TCF4: variants seen among roughly 807,000 people sequenced by gnomAD.
The protein encoded by TCF4 is transcription factor 4.
TCF4 carries 3 observed loss-of-function variants against 82.1 expected under a neutral mutation model. The observed-to-expected ratio is 0.04, with a 90% confidence interval of 0.02 to 0.09. The LOEUF is 0.09. Among genes scored for constraint, TCF4 ranks in the 10% least tolerant of loss-of-function variants. The probability of loss-of-function intolerance (pLI) is 1.00; values close to 1 mark genes in which losing one functional copy is unlikely to be tolerated. For missense variants in TCF4, 518 were observed against 852.7 expected (o/e 0.61, Z 4.89); for synonymous variants, 276 against 309.6 (o/e 0.89, Z 1.14).
chr18:55,367,775 A>G (rs1276888402), intron 6 of TCF4, among the ~76,000 whole-genome samples: 1 of 152,238 alleles, frequency 6.6e-6, no homozygotes, highest in East Asian at 1.9e-4. Context: ...GAAAGAATGT[A>G]AAATACCCCA....
At chr18:55,302,431 G>C (rs182590691) in intron 8 of TCF4, 2 of 1,536,198 alleles carry the variant, frequency 1.3e-6, no homozygotes, top group Non-Finnish European at 1.7e-6. Context: ...CTTTCCCTTC[G>C]TGGTCCAGGC....
At position 55,621,840 on chromosome 18, in the gene TCF4, T is replaced by C. The variant is rs1311868059; in HGVS notation, c.286+9458A>G. Among the ~76,000 whole-genome samples, 9 of 58,458 alleles carry C rather than the reference T, an allele frequency of 1.5e-4. 1 individual carries two copies. The highest frequency in any genetic ancestry group is 1.3e-3 in the East Asian group (3 of 2,264). The allele number at this position is 58,458 out of a possible 152,430, so 38.4% of individuals were successfully genotyped here. ...TATATTATATAATATATATACACTA[T>C]ATACAATGTATGTATTATATTATAT... On this transcript the variant is annotated intron_variant, in intron 2 of 20. Transcript: ENST00000398339.
At chr18:55,291,319 A>T (rs1210432845) in intron 8 of TCF4, among the ~76,000 whole-genome samples, 1 of 152,196 alleles carries the variant, frequency 6.6e-6, no homozygotes, top group Admixed American at 6.5e-5. Flanking sequence ...TGCTAAGTAG[A>T]GTTATAAATG....
At chr18:55,393,989 G>A (rs1184795848) in intron 6 of TCF4, among the ~76,000 whole-genome samples, 1 of 152,134 alleles carries the variant, frequency 6.6e-6, no homozygotes, top group Non-Finnish European at 1.5e-5. Flanking sequence ...TATTAGAGGT[G>A]GGCTCGAGGG....
Position 55,255,148 on chromosome 18 carries a change from C to T in TCF4, c.1147-448G>A, listed in dbSNP as rs183066818. On this transcript the variant is annotated intron_variant, in intron 14 of 19. Transcript: ENST00000354452. ...CTGAAGGTATATTTCTTTGGTCTTC[C>T]CTGTGGTATATGACCCAGTGCTAAG... Among the ~76,000 whole-genome samples the T allele has an allele frequency of 6.6e-5, 10 of 152,002 alleles. No individual in the cohort carries two copies. In the East Asian group the frequency reaches 1.9e-3, roughly 29 times the overall value.
At chr18:55,523,792 A>C (rs959829912) in intron 3 of TCF4, among the ~76,000 whole-genome samples, 4 of 152,110 alleles carry the variant, frequency 2.6e-5, no homozygotes, top group Non-Finnish European at 5.9e-5. Context: ...TGCAATACAT[A>C]GTATCTCCTT....
At chr18:55,269,606 TTGC>T (rs1237048293) in intron 11 of TCF4, 2 of 583,380 alleles carry the variant, frequency 3.4e-6, no homozygotes, top group Admixed American at 2.8e-5. Flanking sequence ...ATCTAATGAC[TTGC>T]AACGTAGAAC....
intron 6 of TCF4, among the ~76,000 whole-genome samples, chr18:55,393,834 G>T (rs1483552924): frequency 1.3e-5 from 2 of 152,198 alleles, no homozygotes; most frequent in African/African-American, 2.4e-5. Context: ...GAACTCACTT[G>T]GGTCTCAAGA....
chr18:55,455,179 C>CAAAA (rs35889370), intron 5 of TCF4, among the ~76,000 whole-genome samples: 98 of 67,440 alleles, frequency 1.5e-3, no homozygotes, highest in African/African-American at 3.6e-3. Context: ...GACTCTGTCT[C>CAAAA]AAAAAAAAAA....
At chr18:55,462,302 CTAATTA>C (rs1325531362) in intron 4 of TCF4, among the ~76,000 whole-genome samples, 1 of 152,106 alleles carries the variant, frequency 6.6e-6, no homozygotes, top group Non-Finnish European at 1.5e-5. Context: ...TTGCATAATG[CTAATTA>C]TCACTTATTA....
chr18:55,604,236 A>T (rs546841456), intron 2 of TCF4, among the ~76,000 whole-genome samples: 48 of 151,698 alleles, frequency 3.2e-4, no homozygotes, highest in South Asian at 1.7e-3. Context: ...GTTTTTTTTT[A>T]AAAAAAGCCG....
chr18:55,614,819 A>G (rs1322844251), intron 2 of TCF4, among the ~76,000 whole-genome samples: 2 of 152,158 alleles, frequency 1.3e-5, no homozygotes, highest in Non-Finnish European at 2.9e-5. Context: ...GGTATCCAAT[A>G]AATCTTTGCC....
At chr18:55,334,395 GA>G (rs2078212161) in intron 8 of TCF4, among the ~76,000 whole-genome samples, 1 of 152,036 alleles carries the variant, frequency 6.6e-6, no homozygotes, top group East Asian at 1.9e-4. Context: ...AATTATAGGA[GA>G]AAAAATTCTG....
intron 8 of TCF4, among the ~76,000 whole-genome samples, chr18:55,348,266 T>A (rs2081606791): frequency 6.6e-6 from 1 of 152,156 alleles, no homozygotes; most frequent in South Asian, 2.1e-4. Flanking sequence ...AATTATAAAA[T>A]TACCTAAACT....
chr18:55,473,097 T>A (rs1175911711), intron 3 of TCF4, among the ~76,000 whole-genome samples: 2 of 152,196 alleles, frequency 1.3e-5, no homozygotes, highest in Non-Finnish European at 2.9e-5. Context: ...ATATACAAAC[T>A]GGTATTTAAA....
chr18:55,628,440 A>C (rs928686244), intron 2 of TCF4, among the ~76,000 whole-genome samples: 3 of 152,206 alleles, frequency 2.0e-5, no homozygotes, highest in Admixed American at 2.0e-4. Context: ...CTTTTTAAAA[A>C]GTTTTTTAAT....
At chr18:55,404,011 T>C (rs2093965639) in intron 5 of TCF4, 3 of 1,197,498 alleles carry the variant, frequency 2.5e-6, no homozygotes, top group South Asian at 2.5e-5. Flanking sequence ...CTCTCTCTCT[T>C]TTTTAAAAAC....
intron 16 of TCF4, among the ~76,000 whole-genome samples, chr18:55,233,484 G>A (rs2048454501): frequency 1.3e-5 from 2 of 152,140 alleles, no homozygotes. Context: ...AGAAGCACAG[G>A]TTTAGGACAA....
chr18:55,436,990 C>G (rs1010498388), intron 5 of TCF4, among the ~76,000 whole-genome samples: 1 of 152,194 alleles, frequency 6.6e-6, no homozygotes, highest in Non-Finnish European at 1.5e-5. Context: ...TCACCCAAGT[C>G]CCTGAGAAAA....
Sources: allele counts gnomAD v4.1 joint callset (sites outside exome capture counted in the v4.1 genomes callset), GRCh38; gene constraint gnomAD v4.1.1; transcripts MANE v1.5; gene names NCBI Gene and HGNC (gene_info 2026-07-23, HGNC 2026-07-21).